Variants in IGFALS observed in about 807,000 individuals in gnomAD.
IGFALS encodes the protein insulin-like growth factor-binding protein complex acid labile subunit.
IGFALS carries 2 observed loss-of-function variants against 2.6 expected under a neutral mutation model. The observed-to-expected ratio is 0.77, with a 90% CI of 0.32 to 2.44. IGFALS has a LOEUF of 2.44. Ranked by LOEUF, IGFALS falls within the 30% of genes most tolerant of loss-of-function variation. The pLI is 0.11. For synonymous variants in IGFALS, 519 were observed against 431.9 expected (o/e 1.20, Z -2.50); for missense variants, 996 against 848.7 (o/e 1.17, Z -2.16).
Position 1,792,261 on chromosome 16 carries a change from C to A in IGFALS, c.157G>T (p.Ala53Ser), listed in dbSNP as rs561329938. The change falls in exon 2 of 2, where the codon GCG (alanine) becomes TCG (serine). Residue 53 changes from alanine (A) to serine (S), a missense_variant. Transcript: ENST00000215539. ...CTGCAGAAGACGCTGAGCTCATCCGCGTCGTCATCGTAGCTGCAGACACAG... is the reference window on the plus strand; with the variant it reads ...CTGCAGAAGACGCTGAGCTCATCCGAGTCGTCATCGTAGCTGCAGACACAG... ...AACVCSYDDDADELSVFCSSR... is the reference protein window; with the variant it reads ...AACVCSYDDDSDELSVFCSSR... 1.2e-6 allele frequency: 2 copies of A among 1,601,368 alleles called. No homozygotes were observed. The highest frequency in any genetic ancestry group is 1.3e-5 in the African/African-American group (1 of 74,910).
At chr16:1,794,120 G>A (rs7501315), upstream of IGFALS, among the ~76,000 whole-genome samples, 7,096 of 152,146 alleles carry the variant, frequency 0.047, 268 homozygotes, top group Middle Eastern at 0.078. Flanking sequence ...GTAGCCAGCC[G>A]TGTGGGGCTA....
chr16:1,791,979 C>T lies in IGFALS; in HGVS notation c.439G>A (p.Ala147Thr), dbSNP rs754902130. 3.9e-5 allele frequency: 63 copies of T among 1,604,870 alleles called. 1 individual carries two copies. Among genetic ancestry groups the T allele is most frequent in the East Asian group, 1.6e-4 (7 of 44,582 alleles). The part of the protein sequence containing the change: ...LALGTFAHTP[A>T]LASLGLSNNR... ...TTGCTGAGGCCGAGCGAGGCCAGCGCGGGCGTGTGTGCAAACGTGCCGAGT... is the reference window on the plus strand; with the variant it reads ...TTGCTGAGGCCGAGCGAGGCCAGCGTGGGCGTGTGTGCAAACGTGCCGAGT... Residue 147 changes from alanine (A) to threonine (T), a missense_variant, in exon 2 of 2, where the codon GCG (alanine) becomes ACG (threonine). Transcript: ENST00000215539.
rs962748118 is a variant in IGFALS, at chr16:1,791,840, A to G, written c.578T>C (p.Leu193Pro). ...CAGCACCAGCTCGCGCAGGCTGCCC[A>G]GGCCGCGGAACGCCGCATCGGGGAG... ...AVLPDAAFRG[L>P]GSLRELVLAG... is the part of the protein sequence containing the mutation. The change falls in exon 2 of 2, where the codon CTG becomes CCG. Residue 193 changes from leucine (L) to proline (P), a missense_variant. By Grantham distance (98) the Leu-to-Pro change is moderately conservative. Coordinates refer to ENST00000215539, the MANE Select transcript of IGFALS (RefSeq NM_004970.3). The G allele has an allele frequency of 3.9e-6, 6 of 1,550,948 alleles. No individual in the cohort carries two copies. Among genetic ancestry groups the G allele is most frequent in the South Asian group, 1.2e-5 (1 of 84,668 alleles).
rs951239848 is a variant in IGFALS at position 1,792,606 on chromosome 16, G to A, written c.17-205C>T. The stretch of plus-strand genomic sequence containing the variant: ...CACCCCATGGGACAGAGGAGTGGCC[G>A]CCCCGCCCCGCTGCACAGACGCTCA... On this transcript the variant is annotated intron_variant, in intron 1 of 1. Coordinates refer to ENST00000215539, the MANE Select transcript of IGFALS (RefSeq NM_004970.3). 50 of 929,912 alleles carry A rather than the reference G, an allele frequency of 5.4e-5. No individual in the cohort carries two copies. In the South Asian group the frequency reaches 6.0e-4, roughly 11 times the overall value. 57.6% of individuals were successfully genotyped at this position (929,912 alleles called of 1,614,324 possible).
At chr16:1,793,726 G>A, upstream of IGFALS, 1 of 1,472,920 alleles carries the variant, frequency 6.8e-7, no homozygotes, top group Non-Finnish European at 9.2e-7. Context: ...CCTGCCCTCT[G>A]GATTTCCCCA....
Position 1,791,685 on chromosome 16 carries a change from G to A in IGFALS, c.733C>T (p.Gln245Ter), listed in dbSNP as rs768927313. 1.3e-6 allele frequency: 2 copies of A among 1,580,070 alleles called. No homozygotes were observed. Among genetic ancestry groups the A allele is most frequent in the Admixed American group, 1.8e-5 (1 of 56,174 alleles). The part of the protein sequence containing the change: ...ANVFVQLPRL[Q>*]KLYLDRNLIA... ...AGGTTGCGGTCCAGGTAGAGTTTCT[G>A]GAGCCGGGGCAGCTGCACGAACACG... Residue 245 changes from glutamine to a stop codon, truncating the protein, a stop_gained, in exon 2 of 2, where the codon CAG becomes TAG. Transcript: ENST00000215539. LOFTEE classifies it low-confidence loss of function (END_TRUNC).
At position 1,792,419 on chromosome 16, in the gene IGFALS, T is replaced by C. The variant is rs779983839; in HGVS notation, c.17-18A>G. On this transcript the variant is annotated intron_variant, in intron 1 of 1. Transcript: ENST00000215539. ...CAGGCCTCCTGCGGGGGGAGAGGCT[T>C]GGGGAGGCGGCCCGAGGAGGGCTCT... The C allele has an allele frequency of 6.5e-7, 1 of 1,536,050 alleles. No homozygotes were observed. Among genetic ancestry groups the C allele is most frequent in the Non-Finnish European group, 8.7e-7 (1 of 1,147,668 alleles).
rs745585593 is a variant in IGFALS, at chr16:1,790,759, C to T, written c.1659G>A (p.Gln553=). The change falls in exon 2 of 2, where the codon CAG becomes CAA. Residue 553 remains glutamine, a synonymous_variant. Coordinates refer to ENST00000215539, the MANE Select transcript of IGFALS (RefSeq NM_004970.3). ...CGAAGCGGGGCACAGCACTGGGGTTCTGCAGGGCGAAGTCCCGCAGCGCCT... is the reference window on the plus strand; with the variant it reads ...CGAAGCGGGGCACAGCACTGGGGTTTTGCAGGGCGAAGTCCCGCAGCGCCT... The part of the protein sequence containing the change: ...PLKALRDFAL[Q]NPSAVPRFVQ... 1.4e-5 allele frequency: 22 copies of T among 1,598,448 alleles called. 1 individual carries two copies. Among genetic ancestry groups the T allele is most frequent in the Admixed American group, 5.2e-5 (3 of 57,658 alleles).
rs757182805 is a variant in IGFALS, at chr16:1,791,440, G to C, written c.978C>G (p.Ile326Met). Reference sequence around the variant, plus strand: ...CAAAGCTGCGCTCAGCCAGCTGCCGGATGCGGTTGTGGCCCAGCTGCAGCT... The same window carrying C: ...CAAAGCTGCGCTCAGCCAGCTGCCGCATGCGGTTGTGGCCCAGCTGCAGCT... ...LEELQLGHNRIRQLAERSFEG... is the reference protein window; with the variant it reads ...LEELQLGHNRMRQLAERSFEG... The change falls in exon 2 of 2, where the codon ATC becomes ATG. Residue 326 changes from isoleucine (I) to methionine (M), a missense_variant. Ile to Met is a conservative substitution (Grantham distance 10). Coordinates refer to ENST00000215539, the MANE Select transcript of IGFALS (RefSeq NM_004970.3). 9.3e-6 allele frequency: 15 copies of C among 1,612,338 alleles called. No individual in the cohort carries two copies. In the East Asian group the frequency reaches 3.1e-4, roughly 34 times the overall value.
At position 1,792,252 on chromosome 16, in the gene IGFALS, G is replaced by A. The variant is rs1897248775; in HGVS notation, c.166C>T (p.Leu56Phe). 6.2e-7 allele frequency: 1 copy of A among 1,602,720 alleles called. No homozygotes were observed. Residue 56 changes from leucine (L) to phenylalanine (F), a missense_variant, in exon 2 of 2, where the codon CTC (leucine) becomes TTC (phenylalanine). Leu to Phe is a conservative substitution (Grantham distance 22). Transcript: ENST00000215539. ...VCSYDDDADELSVFCSSRNLT... is the reference protein window; with the variant it reads ...VCSYDDDADEFSVFCSSRNLT... Reference sequence around the variant, plus strand: ...TTCCTGGAGCTGCAGAAGACGCTGAGCTCATCCGCGTCGTCATCGTAGCTG... The same window carrying A: ...TTCCTGGAGCTGCAGAAGACGCTGAACTCATCCGCGTCGTCATCGTAGCTG...
Position 1,791,860 on chromosome 16 carries a change from G to A in IGFALS, c.558C>T (p.Pro186=), listed in dbSNP as rs775424448. 5.7e-5 allele frequency: 89 copies of A among 1,556,450 alleles called. No homozygotes were observed. The highest frequency in any genetic ancestry group is 1.7e-4 in the Middle Eastern group (1 of 6,014). ...NLGWNSLAVL[P]DAAFRGLGSL... ...TGCCCAGGCCGCGGAACGCCGCATC[G>A]GGGAGCACCGCCAGGCTATTCCAGC... Residue 186 remains proline, a synonymous_variant, in exon 2 of 2, where the codon CCC becomes CCT. Transcript: ENST00000215539.
chr16:1,791,534 A>G lies in IGFALS; in HGVS notation c.884T>C (p.Leu295Pro), dbSNP rs1295412681. The G allele has an allele frequency of 1.3e-5, 20 of 1,588,570 alleles. No homozygotes were observed. The highest frequency in any genetic ancestry group is 1.8e-5 in the Admixed American group (1 of 56,140). ...TFPGLLGLRV[L>P]RLSHNAIASL... is the part of the protein sequence containing the mutation. Reference sequence around the variant, plus strand: ...GGCGATGGCGTTGTGGGACAGCCGCAGCACACGCAGGCCCAGCAGACCGGG... The same window carrying G: ...GGCGATGGCGTTGTGGGACAGCCGCGGCACACGCAGGCCCAGCAGACCGGG... Residue 295 changes from leucine (L) to proline (P), a missense_variant, in exon 2 of 2, where the codon CTG becomes CCG. Leu to Pro is a moderately conservative substitution (Grantham distance 98). Coordinates refer to ENST00000215539, the MANE Select transcript of IGFALS (RefSeq NM_004970.3).
intron 1 of IGFALS, among the ~76,000 whole-genome samples, chr16:1,792,822 C>T (rs934358223): frequency 1.3e-5 from 2 of 152,244 alleles, no homozygotes; most frequent in African/African-American, 4.8e-5. Context: ...TATTCTGCAG[C>T]AGGTCTTGGT....
Position 1,790,786 on chromosome 16 carries a change from G to C in IGFALS, c.1632C>G (p.Leu544=). ...EGNPWDCGCP[L]KALRDFALQN... ...GCAGGGCGAAGTCCCGCAGCGCCTT[G>C]AGAGGGCAGCCACAGTCCCAGGGGT... The change falls in exon 2 of 2, where the codon CTC becomes CTG. Residue 544 remains leucine (L), a synonymous_variant. Transcript: ENST00000215539. 3 of 1,577,654 alleles carry C rather than the reference G, an allele frequency of 1.9e-6. No individual in the cohort carries two copies. Among genetic ancestry groups the C allele is most frequent in the Non-Finnish European group, 2.6e-6 (3 of 1,163,458 alleles).
chr16:1,791,775 T>G lies in IGFALS; in HGVS notation c.643A>C (p.Ser215Arg). ...AGCTCCCGGAGCTCGGCCAGGCCGC[T>G]GAAGAGCGCGGGCTGCAGGTAGGCC... ...RLAYLQPALFSGLAELRELDL... is the reference protein window; with the variant it reads ...RLAYLQPALFRGLAELRELDL... Residue 215 changes from serine (S) to arginine (R), a missense_variant, in exon 2 of 2, where the codon AGC becomes CGC. Ser to Arg is a moderately radical substitution (Grantham distance 110). Transcript: ENST00000215539. 1.3e-6 allele frequency: 2 copies of G among 1,548,854 alleles called. No individual in the cohort carries two copies. The highest frequency in any genetic ancestry group is 2.4e-5 in the South Asian group (2 of 84,750).
chr16:1,794,173 C>T (rs34019691), upstream of IGFALS, among the ~76,000 whole-genome samples: 1 of 152,108 alleles, frequency 6.6e-6, no homozygotes, highest in African/African-American at 2.4e-5. Flanking sequence ...AGCCATCCAC[C>T]CGCCCTCCCG....
In IGFALS at chr16:1,791,177, C is replaced by T. The variant is rs1443814659; in HGVS notation, c.1241G>A (p.Arg414Gln). The T allele has an allele frequency of 2.1e-5, 34 of 1,607,196 alleles. No homozygotes were observed. Among genetic ancestry groups the T allele is most frequent in the Non-Finnish European group, 2.7e-5 (32 of 1,179,870 alleles). ...GAGGCCGTTGTCCTTGAGGAAGAGT[C>T]GGCGGAGCCCCGAGAGGCCGGTGAA... ...HTFTGLSGLR[R>Q]LFLKDNGLVG... The change falls in exon 2 of 2, where the codon CGA becomes CAA. Residue 414 changes from arginine to glutamine, a missense_variant. Coordinates refer to ENST00000215539, the MANE Select transcript of IGFALS (RefSeq NM_004970.3).
chr16:1,791,608 C>T lies in IGFALS; in HGVS notation c.810G>A (p.Trp270Ter). ...GAFLGLKALRWLDLSHNRVAG... is the reference protein window; with the variant it reads ...GAFLGLKALR Reference sequence around the variant, plus strand: ...CCACGCGGTTGTGGGACAGGTCCAGCCATCGCAGCGCCTTCAGGCCCAGGA... The same window carrying T: ...CCACGCGGTTGTGGGACAGGTCCAGTCATCGCAGCGCCTTCAGGCCCAGGA... Residue 270 changes from tryptophan (W) to a stop codon, truncating the protein, a stop_gained, in exon 2 of 2, where the codon TGG (tryptophan) becomes TGA (stop). Transcript: ENST00000215539. LOFTEE classifies it low-confidence loss of function (END_TRUNC). 1 of 1,565,568 alleles carries T rather than the reference C, an allele frequency of 6.4e-7. No individual in the cohort carries two copies. Among genetic ancestry groups the T allele is most frequent in the Non-Finnish European group, 8.6e-7 (1 of 1,157,050 alleles).
At chr16:1,794,206 G>A (rs541508634), upstream of IGFALS, among the ~76,000 whole-genome samples, 556 of 152,250 alleles carry the variant, frequency 3.7e-3, 3 homozygotes, top group Non-Finnish European at 4.6e-3. Flanking sequence ...AGCCTGGGTG[G>A]GAGCTGCCGT....
Sources: gnomAD v4.1 joint callset for allele counts (sites outside exome capture counted in the v4.1 genomes callset) on GRCh38, gnomAD v4.1.1 for gene constraint, MANE v1.5 for transcripts, NCBI Gene and HGNC (gene_info 2026-07-23, HGNC 2026-07-21) for gene names.